TBC1D1: variants seen among roughly 807,000 people sequenced by gnomAD.
TBC1D1 encodes the protein TBC1 domain family member 1.
Under a neutral mutation model 125.6 loss-of-function variants are expected in TBC1D1, and 89 were observed. The ratio of observed to expected loss-of-function variants is 0.71; its 90% CI spans 0.60 to 0.85. TBC1D1 has a LOEUF of 0.85. TBC1D1 is among the 40% of genes least tolerant of loss of function. The probability of loss-of-function intolerance (pLI) is 0.00; values close to 1 mark genes in which losing one functional copy is unlikely to be tolerated. For missense variants in TBC1D1, 1,377 were observed against 1,469.2 expected, an observed-to-expected ratio of 0.94 and a Z score of 1.03; for synonymous variants, 565 against 564.1, an observed-to-expected ratio of 1.00 and a Z score of -0.02.
intron 12 of TBC1D1, among the ~76,000 whole-genome samples, chr4:38,089,666 G>C (rs1758101902): frequency 6.6e-6 from 1 of 152,186 alleles, no homozygotes; most frequent in African/African-American, 2.4e-5. Flanking sequence ...TTTTCAGAAG[G>C]AGATAAAAAT....
chr4:38,112,030 G>A (rs1485350048), intron 15 of TBC1D1: 2 of 985,308 alleles, frequency 2.0e-6, no homozygotes, highest in East Asian at 1.1e-4. Context: ...TTTCATGCAG[G>A]ACAGATTTTC....
chr4:38,037,648 G>T (rs1344583419), intron 8 of TBC1D1, among the ~76,000 whole-genome samples: 2 of 152,208 alleles, frequency 1.3e-5, no homozygotes, highest in Non-Finnish European at 2.9e-5. Context: ...GTGGGAAGAT[G>T]TGACATAGAC....
At chr4:38,055,743 A>G (rs1324686597) in intron 12 of TBC1D1, among the ~76,000 whole-genome samples, 1 of 152,124 alleles carries the variant, frequency 6.6e-6, no homozygotes, top group African/African-American at 2.4e-5. Flanking sequence ...AGATGGCCAC[A>G]TCTCTCTTCC....
At chr4:38,040,475 G>C (rs1748141163) in intron 8 of TBC1D1, among the ~76,000 whole-genome samples, 1 of 152,130 alleles carries the variant, frequency 6.6e-6, no homozygotes, top group African/African-American at 2.4e-5. Context: ...ATTTAGTAGA[G>C]ACGGGGTTTC....
At chr4:37,912,927 G>A (rs1434604237) in intron 2 of TBC1D1, among the ~76,000 whole-genome samples, 1 of 152,194 alleles carries the variant, frequency 6.6e-6, no homozygotes, top group Non-Finnish European at 1.5e-5. Flanking sequence ...ACTATTAGAA[G>A]CACTGATCAG....
rs1185369125 is a variant in TBC1D1, at chr4:37,977,346, T to G, written c.418-37163T>G. On this transcript the variant is annotated intron_variant, in intron 2 of 19. Coordinates refer to ENST00000261439, the MANE Select transcript of TBC1D1 (RefSeq NM_015173.4). The surrounding 1 kb of genome is among the most constrained non-coding windows in gnomAD (Gnocchi z 4.3). ...GCGACCTCTCGGGGCAGTGACGAAC[T>G]GGGTGGAGCCCGCCGCCGCCGCCGC... 1 of 215,328 alleles carries G rather than the reference T, an allele frequency of 4.6e-6. No individual in the cohort carries two copies. 13.3% of individuals were successfully genotyped at this position (215,328 alleles called of 1,614,324 possible). A position where few individuals can be genotyped will look rare whatever the true frequency, so the allele number is the denominator to read the frequency against.
chr4:38,074,849 C>T (rs1049728653), intron 12 of TBC1D1, among the ~76,000 whole-genome samples: 4 of 151,790 alleles, frequency 2.6e-5, no homozygotes, highest in Admixed American at 2.6e-4. Flanking sequence ...GCAACCTCTG[C>T]CTCCGGGTTC....
At chr4:37,942,872 G>T (rs1209371875) in intron 2 of TBC1D1, among the ~76,000 whole-genome samples, 1 of 152,110 alleles carries the variant, frequency 6.6e-6, no homozygotes, top group Non-Finnish European at 1.5e-5. Flanking sequence ...ATTTGATCCT[G>T]TCATTATGAT....
At chr4:37,941,070 A>G (rs972605852) in intron 2 of TBC1D1, among the ~76,000 whole-genome samples, 1 of 152,106 alleles carries the variant, frequency 6.6e-6, no homozygotes, top group Non-Finnish European at 1.5e-5. Flanking sequence ...CCTCTTTTCT[A>G]TTGATTGGAA....
At chr4:37,913,289 T>G (rs1022977124) in intron 2 of TBC1D1, among the ~76,000 whole-genome samples, 6 of 152,144 alleles carry the variant, frequency 3.9e-5, no homozygotes, top group African/African-American at 1.2e-4. Context: ...AACCTGATTT[T>G]GCTCAGCCTC....
chr4:38,133,185 A>G lies in TBC1D1; in HGVS notation c.3234A>G (p.Gln1078=), dbSNP rs1578874538. The change falls in exon 19 of 20, where the codon CAA becomes CAG. Residue 1078 remains glutamine, a synonymous_variant. Transcript: ENST00000261439. The stretch of plus-strand genomic sequence containing the variant: ...ATTCCTCTCCTCTCAGTGACAACCA[A>G]AGAATGGATAAATTAGAGAAAACCA... The G allele has an allele frequency of 1.2e-6, 2 of 1,614,234 alleles. No individual in the cohort carries two copies. The highest frequency in any genetic ancestry group is 1.7e-6 in the Non-Finnish European group (2 of 1,180,028).
At chr4:38,105,637 A>G (rs1761170653) in intron 15 of TBC1D1, among the ~76,000 whole-genome samples, 1 of 151,932 alleles carries the variant, frequency 6.6e-6, no homozygotes, top group South Asian at 2.1e-4. Context: ...TCTCATCTTT[A>G]TGTCCATGTG....
rs577493584 is a variant in TBC1D1, at chr4:38,016,714, G to A, written c.883-1640G>A. ...GGGTGAGAAATAATTCCAGATGGCC[G>A]CACTGAAAACAAGGAAGGATGGTGC... On this transcript the variant is annotated intron_variant, in intron 3 of 19. Coordinates refer to ENST00000261439, the MANE Select transcript of TBC1D1 (RefSeq NM_015173.4). Among the ~76,000 whole-genome samples, 12 of 152,314 alleles carry A rather than the reference G, an allele frequency of 7.9e-5. 1 individual carries two copies. The highest frequency in any genetic ancestry group is 1.7e-4 in the African/African-American group (7 of 41,566).
At chr4:38,029,824 G>A (rs1398264588) in intron 7 of TBC1D1, among the ~76,000 whole-genome samples, 2 of 152,054 alleles carry the variant, frequency 1.3e-5, no homozygotes, top group Non-Finnish European at 2.9e-5. Context: ...ATTTGTCTTT[G>A]CATTTTCTTG....
Position 38,051,856 on chromosome 4 carries a change from C to A in TBC1D1, c.1910+1958C>A, listed in dbSNP as rs1285569018. The A allele has an allele frequency of 2.0e-6, 3 of 1,532,676 alleles. No homozygotes were observed. The South Asian group carries it at 3.6e-5, about 19-fold the overall frequency. The allele number at this position is 1,532,676 out of a possible 1,614,324, so 94.9% of individuals were successfully genotyped here. A position where few individuals can be genotyped will look rare whatever the true frequency, so the allele number is the denominator to read the frequency against. ...TGCTCCGTGTCCCTGTCGGCGCCCC[C>A]TCTCCTGCTAACCCCCCCGTGCTTT... On this transcript the variant is annotated intron_variant, in intron 11 of 19. Coordinates refer to ENST00000261439, the MANE Select transcript of TBC1D1 (RefSeq NM_015173.4).
At chr4:38,114,641 C>T (rs540958696) in intron 15 of TBC1D1, among the ~76,000 whole-genome samples, 7 of 152,344 alleles carry the variant, frequency 4.6e-5, no homozygotes, top group Admixed American at 2.6e-4. Flanking sequence ...CAGGCACTCC[C>T]ATCAGTCACA....
At chr4:37,979,179 A>G (rs1475267020) in intron 2 of TBC1D1, among the ~76,000 whole-genome samples, 1 of 152,146 alleles carries the variant, frequency 6.6e-6, no homozygotes, top group African/African-American at 2.4e-5. Flanking sequence ...ACCCGCCCTC[A>G]AAATTATTAT....
At chr4:37,953,541 A>T (rs1232555345) in intron 2 of TBC1D1, among the ~76,000 whole-genome samples, 1 of 152,240 alleles carries the variant, frequency 6.6e-6, no homozygotes, top group Non-Finnish European at 1.5e-5. Flanking sequence ...GGTATTTTAA[A>T]ATCATTTTGT....
chr4:37,949,966 C>T (rs140388942), intron 2 of TBC1D1, among the ~76,000 whole-genome samples: 55 of 152,206 alleles, frequency 3.6e-4, no homozygotes, highest in African/African-American at 1.0e-3. Flanking sequence ...AGAGGTAACC[C>T]ATTCGTTACC....
Sources: allele counts gnomAD v4.1 joint callset (sites outside exome capture counted in the v4.1 genomes callset), GRCh38; gene constraint gnomAD v4.1.1; non-coding constraint Gnocchi (gnomAD v3.1); transcripts MANE v1.5; gene names NCBI Gene and HGNC (gene_info 2026-07-23, HGNC 2026-07-21).